XRCC6: variants seen among roughly 807,000 people sequenced by gnomAD.
XRCC6 encodes the protein X-ray repair cross complementing 6, also known as DNA repair protein Ku70.
Under a neutral mutation model 65.7 loss-of-function variants are expected in XRCC6, and 5 were observed. The ratio of observed to expected loss-of-function variants is 0.08; its 90% CI spans 0.04 to 0.16. The LOEUF is 0.16. Ranked by LOEUF, XRCC6 falls within the 10% of genes least tolerant of loss-of-function variation. The pLI, the probability that XRCC6 is intolerant of heterozygous loss-of-function variation, is 1.00. For synonymous variants in XRCC6, 270 were observed against 270.6 expected (o/e 1.00, Z 0.02); for missense variants, 447 against 738.1 (o/e 0.61, Z 4.57).
At chr22:41,636,022 G>T (rs1454380133) in intron 3 of XRCC6, 91 bp from the exon 4 acceptor site, 1 of 1,178,754 alleles carries the variant, frequency 8.5e-7, no homozygotes, top group Admixed American at 2.8e-5. Context: ...TACAAATTCA[G>T]TGCACATATT....
intron 8 of XRCC6, among the ~76,000 whole-genome samples, chr22:41,651,453 G>A (rs2067995811): frequency 8.7e-6 from 1 of 114,594 alleles, no homozygotes; most frequent in Non-Finnish European, 1.7e-5. Context: ...GTGCAGTGGT[G>A]CAGTTTCAGC....
rs28384736 is a variant in XRCC6, at chr22:41,639,900, C to T, written c.773+2109C>T. Reference sequence around the variant, plus strand: ...GTCTCGATCTCCTGACCTCGTGATCCGCCCGCCTCGGCCTCCCAAAGTGCT... The same window carrying T: ...GTCTCGATCTCCTGACCTCGTGATCTGCCCGCCTCGGCCTCCCAAAGTGCT... On this transcript the variant is annotated intron_variant, in intron 6 of 12. Transcript: ENST00000360079. Among the ~76,000 whole-genome samples the T allele has an allele frequency of 4.8e-3, 727 of 151,734 alleles. 5 individuals are homozygous for T. Among genetic ancestry groups the T allele is most frequent in the African/African-American group, 0.017 (690 of 41,342 alleles).
At chr22:41,656,818 A>G in intron 9 of XRCC6, 85 bp from the exon 10 acceptor site, 2 of 1,592,406 alleles carry the variant, frequency 1.3e-6, no homozygotes, top group Non-Finnish European at 1.7e-6. Context: ...GCACCACAGG[A>G]CATAAAAGGA....
chr22:41,636,369 A>C, intron 4 of XRCC6, 118 bp downstream of exon 4: 4 of 1,487,910 alleles, frequency 2.7e-6, no homozygotes, highest in Non-Finnish European at 3.6e-6. Flanking sequence ...GCTTTCCTCC[A>C]TAAGGGGACC....
chr22:41,629,103 A>G (rs764232784), intron 3 of XRCC6, among the ~76,000 whole-genome samples: 10 of 152,150 alleles, frequency 6.6e-5, no homozygotes, highest in Admixed American at 5.9e-4. Context: ...CACACCCACT[A>G]TATAAACAAA....
chr22:41,629,279 A>T (rs1204101179), intron 3 of XRCC6, among the ~76,000 whole-genome samples: 2 of 152,204 alleles, frequency 1.3e-5, no homozygotes, highest in African/African-American at 4.8e-5. Flanking sequence ...CACTTAACAC[A>T]TTCACAATGT....
intron 2 of XRCC6, 104 bp downstream of exon 2, chr22:41,622,190 TC>T: frequency 1.7e-6 from 2 of 1,169,420 alleles, no homozygotes; most frequent in Non-Finnish European, 1.2e-6. Context: ...GCCCTTCTCC[TC>T]CCAGATAATT....
At chr22:41,625,480 A>G (rs2147064021) in intron 2 of XRCC6, among the ~76,000 whole-genome samples, 1 of 152,314 alleles carries the variant, frequency 6.6e-6, no homozygotes, top group African/African-American at 2.4e-5. Flanking sequence ...AATACAGAAA[A>G]TTTGCTGGGC....
intron 3 of XRCC6, among the ~76,000 whole-genome samples, chr22:41,633,443 C>G (rs1278406786): frequency 1.3e-5 from 2 of 150,796 alleles, no homozygotes; most frequent in Admixed American, 6.6e-5. Context: ...TGCCCTGGCT[C>G]TTGGCTCACT....
intron 6 of XRCC6, 99 bp downstream of exon 6, chr22:41,637,890 C>G (rs968787191): frequency 7.5e-7 from 1 of 1,337,408 alleles, no homozygotes; most frequent in Non-Finnish European, 9.9e-7. Flanking sequence ...TTTGGGAGGC[C>G]AAGGCAGGCG....
At chr22:41,622,893 C>T (rs1275968071) in intron 2 of XRCC6, among the ~76,000 whole-genome samples, 1 of 150,718 alleles carries the variant, frequency 6.6e-6, no homozygotes, top group Non-Finnish European at 1.5e-5. Flanking sequence ...TGCAGTGAGC[C>T]GAGATGGCGC....
intron 2 of XRCC6, among the ~76,000 whole-genome samples, chr22:41,624,352 C>T (rs868659343): frequency 2.6e-5 from 4 of 151,806 alleles, no homozygotes; most frequent in South Asian, 2.1e-4. Context: ...TGCAACACTG[C>T]ACTCCAGTCT....
intron 2 of XRCC6, among the ~76,000 whole-genome samples, chr22:41,624,921 C>T (rs755788834): frequency 9.2e-5 from 14 of 151,794 alleles, no homozygotes; most frequent in Middle Eastern, 3.4e-3. Flanking sequence ...GGCGTGAACC[C>T]GGGAGGCGGA....
intron 1 of XRCC6, 194 bp from the exon 2 acceptor site, chr22:41,621,796 A>G: frequency 1.8e-6 from 1 of 566,452 alleles, no homozygotes; most frequent in South Asian, 2.1e-5. Flanking sequence ...GATAGCTGAG[A>G]TGAGGCAGCT....
rs1328109941 is a variant in XRCC6, at chr22:41,631,814, C to G, written c.195+3584C>G. Among the ~76,000 whole-genome samples the G allele has an allele frequency of 2.0e-5, 3 of 152,068 alleles. No homozygotes were observed. In the East Asian group the frequency reaches 5.8e-4, roughly 29 times the overall value. ...GAGGTTGTAGCAAGCCGAGATCACA[C>G]CACTGTACTCCAGCCTGGGCACCAT... is the stretch of plus-strand genomic sequence containing the variant. On this transcript the variant is annotated intron_variant, in intron 3 of 12. Transcript: ENST00000360079.
intron 9 of XRCC6, among the ~76,000 whole-genome samples, chr22:41,655,170 GA>G (rs1427121125): frequency 3.9e-5 from 6 of 152,120 alleles, no homozygotes; most frequent in Non-Finnish European, 4.4e-5. Context: ...TGGCAGTTTG[GA>G]TATACTAAAG....
chr22:41,651,684 C>T (rs1001682345), intron 8 of XRCC6, among the ~76,000 whole-genome samples: 3 of 151,600 alleles, frequency 2.0e-5, no homozygotes, highest in Admixed American at 6.6e-5. Context: ...CCTGCTACCA[C>T]GTCTAGCTAA....
At chr22:41,631,643 A>C (rs2067753191) in intron 3 of XRCC6, among the ~76,000 whole-genome samples, 1 of 120,360 alleles carries the variant, frequency 8.3e-6, no homozygotes, top group Non-Finnish European at 1.7e-5. Flanking sequence ...CACTTTCCAG[A>C]CTGGGCAGCC....
chr22:41,621,540 G>C (rs993311599), intron 1 of XRCC6, 195 bp downstream of exon 1: 2 of 168,342 alleles, frequency 1.2e-5, no homozygotes, highest in Non-Finnish European at 2.6e-5. Context: ...TCGCGTTTGA[G>C]GCCCGCCTGC....
Sources: gnomAD v4.1 joint callset for allele counts (sites outside exome capture counted in the v4.1 genomes callset) on GRCh38, gnomAD v4.1.1 for gene constraint, MANE v1.5 for transcripts, NCBI Gene and HGNC (gene_info 2026-07-23, HGNC 2026-07-21) for gene names.